Variants in CNTN5 observed in about 807,000 individuals in gnomAD.
CNTN5 encodes contactin-5.
A neutral mutation model predicts 129.1 loss-of-function variants in CNTN5; 77 were observed. That is an observed-to-expected ratio of 0.60 (90% confidence interval 0.50 to 0.72). The LOEUF (loss-of-function observed/expected upper bound fraction) is 0.72. Among genes scored for constraint, CNTN5 ranks in the 30% least tolerant of loss-of-function variants. CNTN5 has a pLI of 0.00. For missense variants in CNTN5, 1,478 were observed against 1,328.8 expected (o/e 1.11, Z -1.75); for synonymous variants, 509 against 465.6 (o/e 1.09, Z -1.20).
chr11:100,022,053 G>A (rs1941184972), intron 9 of CNTN5, among the ~76,000 whole-genome samples: 2 of 152,034 alleles, frequency 1.3e-5, no homozygotes, highest in Admixed American at 6.6e-5. Context: ...AGGTCTTCCT[G>A]AGGGTGGGTC....
intron 3 of CNTN5, among the ~76,000 whole-genome samples, chr11:99,674,643 C>T (rs1299117287): frequency 3.9e-5 from 6 of 152,060 alleles, no homozygotes; most frequent in Non-Finnish European, 8.8e-5. Flanking sequence ...GCTGAAAAAG[C>T]ACAAAGTAGA....
intron 3 of CNTN5, among the ~76,000 whole-genome samples, chr11:99,613,553 G>T (rs1259973335): frequency 6.6e-6 from 1 of 152,118 alleles, no homozygotes; most frequent in African/African-American, 2.4e-5. Flanking sequence ...ATAAAATCAG[G>T]CAAGAAGCAG....
chr11:99,318,161 G>T (rs1047223550), intron 1 of CNTN5, among the ~76,000 whole-genome samples: 10 of 152,260 alleles, frequency 6.6e-5, no homozygotes, highest in African/African-American at 2.4e-4. Flanking sequence ...CTTATTGAGA[G>T]AAATAAGTGT....
intron 3 of CNTN5, among the ~76,000 whole-genome samples, chr11:99,785,288 T>C (rs1312761163): frequency 5.3e-5 from 8 of 152,162 alleles, no homozygotes; most frequent in African/African-American, 1.9e-4. Context: ...TCTTTGTAGA[T>C]TATGGATATT....
chr11:100,034,742 T>G (rs1385188221), intron 9 of CNTN5, among the ~76,000 whole-genome samples: 1 of 152,224 alleles, frequency 6.6e-6, no homozygotes, highest in African/African-American at 2.4e-5. Context: ...CAAGCTTATA[T>G]GTTTAGTGTG....
At chr11:100,280,907 A>G (rs1364879271) in intron 18 of CNTN5, among the ~76,000 whole-genome samples, 2 of 152,128 alleles carry the variant, frequency 1.3e-5, no homozygotes, top group East Asian at 3.8e-4. Flanking sequence ...AATTATTTTA[A>G]GCCGGTAATA....
At chr11:99,837,655 G>A (rs953787873) in intron 4 of CNTN5, among the ~76,000 whole-genome samples, 13 of 143,480 alleles carry the variant, frequency 9.1e-5, no homozygotes, top group Non-Finnish European at 1.6e-4. Flanking sequence ...GGATTAGGGA[G>A]CATCTAGCCA....
intron 13 of CNTN5, among the ~76,000 whole-genome samples, chr11:100,114,741 C>T (rs907185512): frequency 5.9e-5 from 9 of 152,110 alleles, no homozygotes; most frequent in African/African-American, 1.9e-4. Context: ...CAACAAATCT[C>T]GCTCATCCTT....
chr11:99,174,427 C>T (rs1292096556), intron 1 of CNTN5, among the ~76,000 whole-genome samples: 2 of 152,308 alleles, frequency 1.3e-5, no homozygotes, highest in South Asian at 2.1e-4. Flanking sequence ...GTGAGCTCAA[C>T]ATGGTACCCG....
intron 3 of CNTN5, among the ~76,000 whole-genome samples, chr11:99,764,658 C>T (rs778376040): frequency 3.2e-4 from 48 of 152,024 alleles, no homozygotes; most frequent in Non-Finnish European, 5.6e-4. Context: ...TCAGGTGATC[C>T]GCCTGCCTCA....
chr11:99,570,573 T>A (rs1045804885), intron 3 of CNTN5, among the ~76,000 whole-genome samples: 6 of 152,168 alleles, frequency 3.9e-5, no homozygotes, highest in South Asian at 2.1e-4. Flanking sequence ...TTAGTATAAT[T>A]CATTTGTCTG....
intron 1 of CNTN5, among the ~76,000 whole-genome samples, chr11:99,203,888 A>G (rs1310889950): frequency 1.3e-5 from 2 of 152,250 alleles, no homozygotes; most frequent in Non-Finnish European, 1.5e-5. Flanking sequence ...GTGAGCCACC[A>G]AGCCCGGCCT....
intron 1 of CNTN5, among the ~76,000 whole-genome samples, chr11:99,036,708 T>G (rs1863753342): frequency 6.6e-6 from 1 of 152,182 alleles, no homozygotes; most frequent in Non-Finnish European, 1.5e-5. Context: ...AGTGTCTGTC[T>G]CGTCCCACTG....
At chr11:99,160,625 T>G (rs11218585) in intron 1 of CNTN5, among the ~76,000 whole-genome samples, 30,444 of 152,074 alleles carry the variant, frequency 0.2, 3,244 homozygotes, top group Middle Eastern at 0.27. Context: ...ACTTAATTAG[T>G]CTGAAACCCC....
chr11:99,831,555 C>T (rs544255800), intron 4 of CNTN5, among the ~76,000 whole-genome samples: 1 of 152,036 alleles, frequency 6.6e-6, no homozygotes, highest in Non-Finnish European at 1.5e-5. Flanking sequence ...GTAATGGTAT[C>T]ACCAAGATTC....
At chr11:99,843,039 T>A (rs1947564903) in intron 4 of CNTN5, among the ~76,000 whole-genome samples, 1 of 152,158 alleles carries the variant, frequency 6.6e-6, no homozygotes, top group Admixed American at 6.5e-5. Context: ...GAGACCAGCC[T>A]GGCCAACATG....
At chr11:99,085,244 C>A (rs540309578) in intron 1 of CNTN5, among the ~76,000 whole-genome samples, 1 of 143,506 alleles carries the variant, frequency 7.0e-6, no homozygotes, top group South Asian at 2.1e-4. Context: ...GGGGTTTTAC[C>A]ATGTTGGCCC....
chr11:99,683,828 A>T (rs1953666341), intron 3 of CNTN5, among the ~76,000 whole-genome samples: 1 of 151,762 alleles, frequency 6.6e-6, no homozygotes, highest in South Asian at 2.1e-4. Flanking sequence ...CTAATTGGAA[A>T]TTTTAAAAAT....
chr11:100,095,407 C>T (rs956443156), intron 13 of CNTN5, among the ~76,000 whole-genome samples: 4 of 152,128 alleles, frequency 2.6e-5, no homozygotes, highest in African/African-American at 4.8e-5. Flanking sequence ...TAAAAATTCA[C>T]GATGTGTTTG....
Sources: allele counts gnomAD v4.1 joint callset (sites outside exome capture counted in the v4.1 genomes callset), GRCh38; gene constraint gnomAD v4.1.1; transcripts MANE v1.5; gene names NCBI Gene and HGNC (gene_info 2026-07-23, HGNC 2026-07-21).